DCC: variants seen among roughly 807,000 people sequenced by gnomAD.
The protein encoded by DCC is netrin receptor DCC.
In DCC, 58 loss-of-function variants were observed where a neutral mutation model predicts 172.5. That is an observed-to-expected ratio of 0.34 (90% CI 0.27 to 0.42). The LOEUF is 0.42. Ranked by LOEUF, DCC falls within the 10% of genes least tolerant of loss-of-function variation. The pLI is 1.00. For missense variants in DCC, 1,740 were observed against 1,791.0 expected, an observed-to-expected ratio of 0.97 and a Z score of 0.51; for synonymous variants, 709 against 644.5, an observed-to-expected ratio of 1.10 and a Z score of -1.52.
At chr18:52,644,433 G>T (rs1399795459) in intron 1 of DCC, among the ~76,000 whole-genome samples, 2 of 152,080 alleles carry the variant, frequency 1.3e-5, no homozygotes, top group East Asian at 1.9e-4. Context: ...CAAAACATTA[G>T]CTGGGCCTGG....
At chr18:53,493,845 T>C (rs956435131) in intron 26 of DCC, among the ~76,000 whole-genome samples, 2 of 152,094 alleles carry the variant, frequency 1.3e-5, no homozygotes, top group African/African-American at 4.8e-5. Flanking sequence ...GCTCTGATCT[T>C]AGTTATTTCT....
chr18:52,588,861 A>G (rs1055905658), intron 1 of DCC, among the ~76,000 whole-genome samples: 10 of 150,122 alleles, frequency 6.7e-5, no homozygotes, highest in African/African-American at 2.5e-4. Context: ...ATATGCCAAC[A>G]GCATCTTTTT....
At chr18:53,375,039 C>G (rs1263785706) in intron 15 of DCC, among the ~76,000 whole-genome samples, 1 of 152,182 alleles carries the variant, frequency 6.6e-6, no homozygotes, top group Non-Finnish European at 1.5e-5. Flanking sequence ...GGCTTGGAAT[C>G]TGAGCACTGC....
intron 2 of DCC, among the ~76,000 whole-genome samples, chr18:52,887,627 A>C (rs1245238006): frequency 6.6e-6 from 1 of 152,176 alleles, no homozygotes; most frequent in African/African-American, 2.4e-5. Flanking sequence ...ATGCTTTTAT[A>C]ATACAATCCC....
At chr18:52,552,741 A>C (rs543793286) in intron 1 of DCC, among the ~76,000 whole-genome samples, 214 of 152,202 alleles carry the variant, frequency 1.4e-3, no homozygotes, top group African/African-American at 4.9e-3. Flanking sequence ...TAATTAAGAT[A>C]ATTCTAATTG....
At chr18:52,668,860 T>A (rs952059533) in intron 1 of DCC, among the ~76,000 whole-genome samples, 5 of 152,234 alleles carry the variant, frequency 3.3e-5, no homozygotes, top group Non-Finnish European at 7.3e-5. Flanking sequence ...TCAACTCTTG[T>A]CTCTTCAGTT....
intron 1 of DCC, among the ~76,000 whole-genome samples, chr18:52,414,717 G>A (rs1208602388): frequency 6.6e-6 from 1 of 152,122 alleles, no homozygotes. Flanking sequence ...GAACCTGAAT[G>A]ACTTATGAGC....
intron 1 of DCC, among the ~76,000 whole-genome samples, chr18:52,437,457 G>A (rs1052662165): frequency 6.6e-6 from 1 of 152,188 alleles, no homozygotes; most frequent in African/African-American, 2.4e-5. Flanking sequence ...GGCTGAAACA[G>A]ATGGAGCCAG....
chr18:53,449,703 G>A (rs554306685), intron 22 of DCC, among the ~76,000 whole-genome samples: 7 of 152,050 alleles, frequency 4.6e-5, no homozygotes, highest in East Asian at 3.9e-4. Context: ...TCTCCTCTCC[G>A]TACCTTCCAC....
At chr18:52,821,323 C>T (rs1483385229) in intron 2 of DCC, among the ~76,000 whole-genome samples, 1 of 152,126 alleles carries the variant, frequency 6.6e-6, no homozygotes, top group East Asian at 1.9e-4. Context: ...GAGGTGTATT[C>T]CTCTCTTCCC....
intron 1 of DCC, among the ~76,000 whole-genome samples, chr18:52,541,651 C>T (rs73957918): frequency 0.022 from 3,292 of 151,892 alleles, 116 homozygotes; most frequent in African/African-American, 0.075. Context: ...CATGGAACAG[C>T]GTGGAGAACT....
chr18:52,728,761 C>T (rs1049836630), intron 1 of DCC, among the ~76,000 whole-genome samples: 9 of 152,172 alleles, frequency 5.9e-5, no homozygotes, highest in East Asian at 3.9e-4. Flanking sequence ...TGAGGGCCTA[C>T]GGATGAATGA....
At chr18:53,343,267 T>C (rs2057683423) in intron 15 of DCC, among the ~76,000 whole-genome samples, 2 of 152,012 alleles carry the variant, frequency 1.3e-5, no homozygotes, top group Admixed American at 1.3e-4. Context: ...GAAAAAAATT[T>C]AGTCTTTACC....
chr18:52,399,444 A>G (rs1986355122), intron 1 of DCC, among the ~76,000 whole-genome samples: 1 of 151,928 alleles, frequency 6.6e-6, no homozygotes, highest in Non-Finnish European at 1.5e-5. Context: ...GAAAGAGTGT[A>G]AAGGGGAGAC....
At chr18:53,494,374 A>G (rs1439841135) in intron 26 of DCC, among the ~76,000 whole-genome samples, 1 of 152,220 alleles carries the variant, frequency 6.6e-6, no homozygotes, top group Admixed American at 6.5e-5. Flanking sequence ...TATCCTTGTT[A>G]ATTTTCTATC....
Position 53,535,808 on chromosome 18 carries a change from A to G in DCC, c.*5155A>G, listed in dbSNP as rs907095934. The G allele has an allele frequency of 1.3e-5, 2 of 151,672 alleles. No homozygotes were observed. Among genetic ancestry groups the G allele is most frequent in the African/African-American group, 4.8e-5 (2 of 41,432 alleles). 9.4% of individuals were successfully genotyped at this position (151,672 alleles called of 1,614,324 possible). On this transcript the variant is annotated 3_prime_UTR_variant, in exon 29 of 29. Coordinates refer to ENST00000442544, the MANE Select transcript of DCC (RefSeq NM_005215.4). ...CTACACAAGGAAAAGGGGGTTTTGT[A>G]AACACTGTAGAACAGTCTCATATTC...
At chr18:53,198,570 T>C (rs2055485611) in intron 9 of DCC, among the ~76,000 whole-genome samples, 1 of 152,144 alleles carries the variant, frequency 6.6e-6, no homozygotes, top group African/African-American at 2.4e-5. Flanking sequence ...TTATTGGGTT[T>C]AATATCCAAT....
At chr18:53,427,940 AT>A (rs1448292505) in intron 21 of DCC, among the ~76,000 whole-genome samples, 1 of 40,346 alleles carries the variant, frequency 2.5e-5, no homozygotes, top group Non-Finnish European at 6.1e-5. Flanking sequence ...ATAATATAAT[AT>A]ATTATAATAT....
chr18:53,447,462 AT>A (rs1190103463), intron 22 of DCC, among the ~76,000 whole-genome samples: 2 of 152,212 alleles, frequency 1.3e-5, no homozygotes, highest in African/African-American at 4.8e-5. Flanking sequence ...TGACATCAAT[AT>A]AATCTCACTG....
Sources: gnomAD v4.1 joint callset for allele counts (sites outside exome capture counted in the v4.1 genomes callset) on GRCh38, gnomAD v4.1.1 for gene constraint, MANE v1.5 for transcripts, NCBI Gene and HGNC (gene_info 2026-07-23, HGNC 2026-07-21) for gene names.